VWF: variants seen among roughly 807,000 people sequenced by gnomAD.
VWF encodes von Willebrand factor.
Under a neutral mutation model 308.6 loss-of-function variants are expected in VWF, and 176 were observed. That is an observed-to-expected ratio of 0.57 (90% CI 0.50 to 0.65). VWF has a LOEUF of 0.65. Among genes scored for constraint, VWF ranks in the 30% least tolerant of loss-of-function variants. The pLI is 0.00. For missense variants in VWF, 3,146 were observed against 3,648.2 expected (o/e 0.86, Z 3.55); for synonymous variants, 1,385 against 1,443.4 (o/e 0.96, Z 0.92).
intron 50 of VWF, among the ~76,000 whole-genome samples, chr12:5,951,453 T>A (rs1943189900): frequency 6.6e-6 from 1 of 152,196 alleles, no homozygotes; most frequent in Non-Finnish European, 1.5e-5. Context: ...GGATCATAGA[T>A]CCAAGGTGCC....
At chr12:6,097,302 T>G (rs929496303) in intron 5 of VWF, among the ~76,000 whole-genome samples, 3 of 152,028 alleles carry the variant, frequency 2.0e-5, no homozygotes, top group African/African-American at 7.3e-5. Flanking sequence ...CCAGGCATGG[T>G]GGCACGTGCC....
Position 6,103,478 on chromosome 12 carries a change from A to G in VWF, c.532+6896T>C, listed in dbSNP as rs867760254. Among the ~76,000 whole-genome samples, 120 of 104,918 alleles carry G rather than the reference A, an allele frequency of 1.1e-3. 6 individuals carry two copies. In the South Asian group the frequency reaches 0.017, roughly 14 times the overall value. 68.8% of individuals were successfully genotyped at this position (104,918 alleles called of 152,430 possible). ...TATGTGTATATACACATATGTGTGT[A>G]TATACATATATGTGTATACACACAC... On this transcript the variant is annotated intron_variant, in intron 5 of 51. Transcript: ENST00000261405.
intron 47 of VWF, among the ~76,000 whole-genome samples, chr12:5,965,355 G>C (rs533732024): frequency 1.3e-5 from 2 of 151,972 alleles, no homozygotes; most frequent in Non-Finnish European, 2.9e-5. Flanking sequence ...CCATCTCCCC[G>C]TGTTTCCCTT....
chr12:6,048,561 C>G (rs1043708542), intron 16 of VWF, among the ~76,000 whole-genome samples: 1 of 152,108 alleles, frequency 6.6e-6, no homozygotes, highest in African/African-American at 2.4e-5. Flanking sequence ...TTCCCGGGTT[C>G]AAGCAATTCT....
intron 10 of VWF, among the ~76,000 whole-genome samples, chr12:6,068,991 G>A (rs1372349455): frequency 1.3e-5 from 2 of 151,550 alleles, no homozygotes; most frequent in Admixed American, 1.3e-4. Context: ...CAAGTACCTG[G>A]GACTACAGGC....
intron 47 of VWF, among the ~76,000 whole-genome samples, chr12:5,963,997 G>C (rs192959308): frequency 0.11 from 16,978 of 151,926 alleles, 1,312 homozygotes; most frequent in Middle Eastern, 0.24. Context: ...CACGAGGTCA[G>C]GAGATTGAGA....
chr12:6,010,382 C>G (rs944695010), intron 34 of VWF, among the ~76,000 whole-genome samples: 1 of 152,142 alleles, frequency 6.6e-6, no homozygotes, highest in Non-Finnish European at 1.5e-5. Flanking sequence ...CCTCGCTGAT[C>G]GAAAACCAAA....
chr12:6,074,505 A>C (rs1944818620), intron 7 of VWF, among the ~76,000 whole-genome samples: 2 of 151,766 alleles, frequency 1.3e-5, no homozygotes, highest in Admixed American at 6.6e-5. Context: ...AAAAAAAAAA[A>C]AAAAACAGCC....
intron 2 of VWF, among the ~76,000 whole-genome samples, chr12:6,122,234 T>C (rs911158417): frequency 6.6e-6 from 1 of 152,222 alleles, no homozygotes; most frequent in Non-Finnish European, 1.5e-5. Context: ...TAGCCCTCTA[T>C]TGTTAGGTTT....
intron 34 of VWF, among the ~76,000 whole-genome samples, chr12:6,011,220 T>A (rs1943989311): frequency 6.6e-6 from 1 of 152,210 alleles, no homozygotes; most frequent in South Asian, 2.1e-4. Context: ...GGTGATGTAC[T>A]GTTGCTATAG....
chr12:6,067,212 TTTTGAACTGACCATTTTTCAGAAA>T (rs1307659870), intron 10 of VWF, among the ~76,000 whole-genome samples: 5 of 152,204 alleles, frequency 3.3e-5, no homozygotes, highest in Admixed American at 3.3e-4. Flanking sequence ...AGGAAAGCCT[TTTTGAACTGACCATTTTTCAGAAA>T]TTATCATCAT....
intron 18 of VWF, among the ~76,000 whole-genome samples, chr12:6,042,529 G>A (rs547896985): frequency 6.6e-6 from 1 of 152,316 alleles, no homozygotes; most frequent in East Asian, 1.9e-4. Context: ...GCAATAATTT[G>A]CACACTCGCC....
intron 18 of VWF, among the ~76,000 whole-genome samples, chr12:6,039,143 G>C (rs216337): frequency 0.65 from 98,860 of 151,974 alleles, 32,295 homozygotes; most frequent in East Asian, 0.79. Flanking sequence ...TCTAGTGTTT[G>C]TCCCTTCGGG....
chr12:5,978,716 T>C (rs961355630), intron 42 of VWF, among the ~76,000 whole-genome samples: 3 of 152,232 alleles, frequency 2.0e-5, no homozygotes, highest in African/African-American at 7.2e-5. Context: ...TACGAGTTTT[T>C]ATCCTCTCTT....
chr12:6,110,816 G>A, intron 4 of VWF, 50 bp downstream of exon 4: 1 of 1,568,758 alleles, frequency 6.4e-7, no homozygotes, highest in African/African-American at 1.4e-5. Flanking sequence ...TGAGGGGGTT[G>A]TGTCAGGGGA....
intron 25 of VWF, among the ~76,000 whole-genome samples, chr12:6,023,234 T>C (rs1171123252): frequency 6.6e-6 from 1 of 152,130 alleles, no homozygotes; most frequent in Non-Finnish European, 1.5e-5. Flanking sequence ...GTTTTCTACA[T>C]AAAAACATTA....
intron 6 of VWF, among the ~76,000 whole-genome samples, chr12:6,079,423 G>A (rs562243534): frequency 7.6e-4 from 115 of 151,944 alleles, no homozygotes; most frequent in Non-Finnish European, 1.1e-3. Flanking sequence ...TGGCTAACAC[G>A]GTGAAACCCC....
At chr12:6,104,027 G>A (rs1945213029) in intron 5 of VWF, among the ~76,000 whole-genome samples, 1 of 152,150 alleles carries the variant, frequency 6.6e-6, no homozygotes, top group Admixed American at 6.5e-5. Flanking sequence ...CATCCAGCAA[G>A]AGACTAGTAT....
chr12:6,092,038 A>T (rs1408400246), intron 6 of VWF, among the ~76,000 whole-genome samples: 1 of 152,212 alleles, frequency 6.6e-6, no homozygotes, highest in East Asian at 1.9e-4. Flanking sequence ...ATGCCCAGAC[A>T]AAGGCAACTG....
Sources: gnomAD v4.1 joint callset for allele counts (sites outside exome capture counted in the v4.1 genomes callset) on GRCh38, gnomAD v4.1.1 for gene constraint, MANE v1.5 for transcripts, NCBI Gene and HGNC (gene_info 2026-07-23, HGNC 2026-07-21) for gene names.